The following CCDC82 variants were observed in gnomAD, a reference collection of about 807,000 sequenced individuals.
CCDC82 encodes coiled-coil domain-containing protein 82.
Under a neutral mutation model 60.6 loss-of-function variants are expected in CCDC82, and 47 were observed. That is an observed-to-expected ratio of 0.77 (90% confidence interval 0.61 to 0.99). The LOEUF (loss-of-function observed/expected upper bound fraction) is 0.99, where lower values mean the gene tolerates loss of function less well. CCDC82 is among the 50% of genes least tolerant of loss of function. The pLI, the probability that CCDC82 is intolerant of heterozygous loss-of-function variation, is 0.00. For missense variants in CCDC82, 588 were observed against 633.0 expected (o/e 0.93, Z 0.76); for synonymous variants, 212 against 207.4 (o/e 1.02, Z -0.19).
At chr11:96,374,038 C>G (rs180870031) in intron 5 of CCDC82, among the ~76,000 whole-genome samples, 43 of 152,342 alleles carry the variant, frequency 2.8e-4, no homozygotes, top group Admixed American at 1.9e-3. Flanking sequence ...CTAACCAAAT[C>G]TCACACATGA....
chr11:96,381,751 T>G (rs1395384447), intron 5 of CCDC82: 2 of 151,792 alleles, frequency 1.3e-5, no homozygotes, highest in Non-Finnish European at 3.0e-5. Context: ...TCTCAAAGTG[T>G]TTGTCCGCAG....
chr11:96,371,785 A>G (rs956283635), intron 6 of CCDC82, among the ~76,000 whole-genome samples: 4 of 152,032 alleles, frequency 2.6e-5, no homozygotes, highest in Non-Finnish European at 5.9e-5. Flanking sequence ...TCCCATGGTA[A>G]CTCCTTGTGT....
chr11:96,372,374 T>C (rs907982014), intron 6 of CCDC82, among the ~76,000 whole-genome samples: 10 of 151,964 alleles, frequency 6.6e-5, no homozygotes. Context: ...TCGTATTATA[T>C]TTTGTTTACT....
chr11:96,373,528 T>G (rs1273904246), intron 5 of CCDC82, 61 bp from the exon 6 acceptor site: 3 of 976,284 alleles, frequency 3.1e-6, no homozygotes, highest in African/African-American at 1.7e-5. Flanking sequence ...TTGAATACAA[T>G]AGGTTCCATT....
chr11:96,383,545 CATT>C (rs1258771649), intron 4 of CCDC82, 72 bp from the exon 5 acceptor site: 3 of 973,510 alleles, frequency 3.1e-6, no homozygotes, highest in African/African-American at 1.7e-5. Flanking sequence ...AAAATTAAAA[CATT>C]AAATCTGACA....
At chr11:96,359,887 G>C (rs1004083098) in intron 8 of CCDC82, among the ~76,000 whole-genome samples, 2 of 151,074 alleles carry the variant, frequency 1.3e-5, no homozygotes, top group East Asian at 3.9e-4. Flanking sequence ...TACTTAAGGT[G>C]TTATATGTGA....
intron 1 of CCDC82, chr11:96,388,218 A>G (rs1262919628): frequency 6.6e-6 from 1 of 152,238 alleles, no homozygotes; most frequent in African/African-American, 2.4e-5. Context: ...GAACCTCGGA[A>G]GAGAAATGTG....
chr11:96,360,185 T>A (rs1035180878), intron 8 of CCDC82, among the ~76,000 whole-genome samples: 29 of 139,730 alleles, frequency 2.1e-4, no homozygotes, highest in East Asian at 4.0e-4. Context: ...TTTATTTAAA[T>A]ATATATATAT....
intron 3 of CCDC82, 40 bp from the exon 4 acceptor site, chr11:96,384,801 A>G (rs1866101956): frequency 4.7e-6 from 6 of 1,278,678 alleles, no homozygotes; most frequent in Non-Finnish European, 6.4e-6. Flanking sequence ...AGTGATAACC[A>G]GATTAGAGCA....
In CCDC82 at chr11:96,358,204, A is replaced by G. The variant is rs553096046; in HGVS notation, c.1566+789T>C. The G allele has an allele frequency of 1.2e-5, 12 of 1,008,170 alleles. No individual in the cohort carries two copies. The South Asian group carries it at 2.8e-4, about 23-fold the overall frequency. The allele number at this position is 1,008,170 out of a possible 1,614,324, so 62.5% of individuals were successfully genotyped here. A position where few individuals can be genotyped will look rare whatever the true frequency, so the allele number is the denominator to read the frequency against. On this transcript the variant is annotated intron_variant, in intron 9 of 9. Coordinates refer to ENST00000646818, the MANE Select transcript of CCDC82 (RefSeq NM_024725.4). Reference sequence around the variant, plus strand: ...CTTTTCTTTAAAAGATTAAATGTTGATAAGAGTTGCCTGAAAATCTACTAT... The same window carrying G: ...CTTTTCTTTAAAAGATTAAATGTTGGTAAGAGTTGCCTGAAAATCTACTAT...
At chr11:96,388,800 G>A (rs1483374728) in intron 1 of CCDC82, 4 of 152,200 alleles carry the variant, frequency 2.6e-5, no homozygotes, top group African/African-American at 9.7e-5. Flanking sequence ...CCATTCTTGG[G>A]TGTAAAACAT....
intron 5 of CCDC82, among the ~76,000 whole-genome samples, chr11:96,375,224 T>C (rs1865503756): frequency 6.6e-6 from 1 of 152,172 alleles, no homozygotes; most frequent in Non-Finnish European, 1.5e-5. Flanking sequence ...GAATATTTCA[T>C]CCTACTGAAG....
chr11:96,357,432 A>T (rs918351685), intron 9 of CCDC82: 1 of 984,878 alleles, frequency 1.0e-6, no homozygotes, highest in Admixed American at 6.1e-5. Flanking sequence ...GCTTTCTTGA[A>T]AAGAAAGCCT....
rs1407871857 is a variant in CCDC82 at position 96,360,197 on chromosome 11, TA to T, written c.1381-1020del. On this transcript the variant is annotated intron_variant, in intron 8 of 9. Coordinates refer to ENST00000646818, the MANE Select transcript of CCDC82 (RefSeq NM_024725.4). ...ATATTTATTTAAATATATATATATA[TA>T]TTTTTTTTGTTTTTTTTTTCCTGAG... Among the ~76,000 whole-genome samples the T allele has an allele frequency of 3.0e-4, 37 of 124,348 alleles. 1 individual carries two copies. In the South Asian group the frequency reaches 7.6e-3, roughly 26 times the overall value. The allele number at this position is 124,348 out of a possible 152,430, so 81.6% of individuals were successfully genotyped here. A position where few individuals can be genotyped will look rare whatever the true frequency, so the allele number is the denominator to read the frequency against.
chr11:96,367,818 TTC>T (rs1194203323), intron 7 of CCDC82, among the ~76,000 whole-genome samples: 1 of 134,522 alleles, frequency 7.4e-6, no homozygotes, highest in Non-Finnish European at 1.6e-5. Flanking sequence ...TGAAATGTAT[TTC>T]TTTTTTTTTT....
intron 5 of CCDC82, among the ~76,000 whole-genome samples, chr11:96,378,607 C>T (rs963362694): frequency 2.0e-5 from 3 of 151,796 alleles, no homozygotes; most frequent in South Asian, 2.1e-4. Context: ...ACTAGTAGAC[C>T]GAAATGTATT....
At chr11:96,372,062 G>A (rs542193353) in intron 6 of CCDC82, among the ~76,000 whole-genome samples, 1 of 151,970 alleles carries the variant, frequency 6.6e-6, no homozygotes, top group African/African-American at 2.4e-5. Context: ...CTACTCCTCT[G>A]AGCTCCTCTC....
At chr11:96,380,191 TTG>T (rs2136186750) in intron 5 of CCDC82, among the ~76,000 whole-genome samples, 1 of 151,872 alleles carries the variant, frequency 6.6e-6, no homozygotes, top group Non-Finnish European at 1.5e-5. Context: ...ATACAGTGCT[TTG>T]TAGAGTTACT....
chr11:96,367,296 T>C (rs1864999076), intron 7 of CCDC82, among the ~76,000 whole-genome samples: 1 of 152,268 alleles, frequency 6.6e-6, no homozygotes, highest in African/African-American at 2.4e-5. Context: ...ATTGTATATT[T>C]GATTGTATGT....
Sources: allele counts gnomAD v4.1 joint callset (sites outside exome capture counted in the v4.1 genomes callset), GRCh38; gene constraint gnomAD v4.1.1; transcripts MANE v1.5; gene names NCBI Gene and HGNC (gene_info 2026-07-23, HGNC 2026-07-21).